Variants in TEX15 observed in about 807,000 individuals in gnomAD.
TEX15 encodes testis-expressed protein 15.
TEX15 carries 171 observed loss-of-function variants against 237.3 expected under a neutral mutation model. The ratio of observed to expected loss-of-function variants is 0.72; its 90% CI spans 0.64 to 0.82. The LOEUF is 0.82. Ranked by LOEUF, TEX15 falls within the 40% of genes least tolerant of loss-of-function variation. The pLI is 0.00. For synonymous variants in TEX15, 1,338 were observed against 1,269.8 expected (o/e 1.05, Z -1.14); for missense variants, 3,750 against 3,646.5 (o/e 1.03, Z -0.73).
At chr8:30,834,174 CCT>C (rs1409970167) in intron 10 of TEX15, among the ~76,000 whole-genome samples, 1 of 151,976 alleles carries the variant, frequency 6.6e-6, no homozygotes, top group Non-Finnish European at 1.5e-5. Context: ...TTCTTTTTCC[CCT>C]TTTATTATTT....
intron 3 of TEX15, among the ~76,000 whole-genome samples, chr8:30,880,820 C>A (rs1563266404): frequency 6.6e-6 from 1 of 152,026 alleles, no homozygotes; most frequent in Non-Finnish European, 1.5e-5. Flanking sequence ...GGGATCAGTG[C>A]CCCTAACCCC....
At chr8:30,866,326 GGGAGAAA>G (rs1808163121) in intron 5 of TEX15, among the ~76,000 whole-genome samples, 2 of 149,724 alleles carry the variant, frequency 1.3e-5, no homozygotes, top group African/African-American at 2.5e-5. Context: ...AGGACAAAAA[GGGAGAAA>G]GGGGAAAGGG....
chr8:30,850,394 C>T (rs1037802706), intron 7 of TEX15, among the ~76,000 whole-genome samples: 4 of 152,036 alleles, frequency 2.6e-5, no homozygotes, highest in Admixed American at 2.6e-4. Flanking sequence ...CTAAGTAACA[C>T]CCTAAAAATA....
intron 3 of TEX15, among the ~76,000 whole-genome samples, chr8:30,880,521 A>G (rs979650940): frequency 6.6e-6 from 1 of 152,144 alleles, no homozygotes; most frequent in Non-Finnish European, 1.5e-5. Flanking sequence ...AGCCTACTCA[A>G]TGTGAAGATG....
At chr8:30,859,750 A>G (rs76656080) in intron 6 of TEX15, among the ~76,000 whole-genome samples, 161 bp downstream of exon 6, 2 of 152,336 alleles carry the variant, frequency 1.3e-5, no homozygotes, top group East Asian at 3.9e-4. Flanking sequence ...TTCTTCACTA[A>G]TATTCCATAC....
rs1322834863 is a variant in TEX15, at chr8:30,849,832, G to A, written c.851-516C>T. 3.9e-5 allele frequency among the ~76,000 whole-genome samples: 6 copies of A among 152,084 alleles called. No homozygotes were observed. In the East Asian group the frequency reaches 7.7e-4, roughly 20 times the overall value. On this transcript the variant is annotated intron_variant, in intron 7 of 10. Coordinates refer to ENST00000643185, the MANE Select transcript of TEX15 (RefSeq NM_001350162.2). ...GAGAATTGCTTGAACCTGGGAGGTGGAGGTTGCAGCGAGCCGAGATTGCGC... is the reference window on the plus strand; with the variant it reads ...GAGAATTGCTTGAACCTGGGAGGTGAAGGTTGCAGCGAGCCGAGATTGCGC...
chr8:30,883,186 C>A (rs1287785108), intron 3 of TEX15, among the ~76,000 whole-genome samples: 1 of 152,006 alleles, frequency 6.6e-6, no homozygotes, highest in Non-Finnish European at 1.5e-5. Flanking sequence ...TCATAGCTCA[C>A]TGCAGCCTTG....
chr8:30,863,401 G>A (rs1252216973), intron 5 of TEX15, among the ~76,000 whole-genome samples: 1 of 152,124 alleles, frequency 6.6e-6, no homozygotes, highest in Non-Finnish European at 1.5e-5. Flanking sequence ...CAGCTGTACA[G>A]TGTTCCTGGA....
At chr8:30,839,353 G>A (rs374495853) in intron 9 of TEX15, among the ~76,000 whole-genome samples, 2 of 151,996 alleles carry the variant, frequency 1.3e-5, no homozygotes, top group Admixed American at 6.6e-5. Context: ...TCAAAGTATC[G>A]TATGGGAATT....
rs1260285053 is a variant in TEX15, at chr8:30,887,237, C to A, written c.66G>T (p.Val22=). The change falls in exon 3 of 11, where the codon GTG becomes GTT. Residue 22 remains valine, a synonymous_variant. Coordinates refer to ENST00000643185, the MANE Select transcript of TEX15 (RefSeq NM_001350162.2). ...AAGGATTGACTTCACGAGTATTCAA[C>A]ACGGGTTTGCTAGTTGAGCTCATTT... ...LWQMSSTSKP[V]LNTREVNPLK... 1 of 1,535,964 alleles carries A rather than the reference C, an allele frequency of 6.5e-7. No homozygotes were observed. The highest frequency in any genetic ancestry group is 2.0e-5 in the Admixed American group (1 of 50,986).
intron 1 of TEX15, among the ~76,000 whole-genome samples, chr8:30,901,581 C>T (rs1292244079): frequency 6.6e-6 from 1 of 152,002 alleles, no homozygotes; most frequent in Admixed American, 6.6e-5. Flanking sequence ...TATGGGAGTA[C>T]AGAAAACAGA....
chr8:30,844,185 C>G lies in TEX15; in HGVS notation c.5982G>C (p.Thr1994=). 1 of 1,612,386 alleles carries G rather than the reference C, an allele frequency of 6.2e-7. No individual in the cohort carries two copies. Among genetic ancestry groups the G allele is most frequent in the Non-Finnish European group, 8.5e-7 (1 of 1,179,298 alleles). Residue 1994 remains threonine (T), a synonymous_variant, in exon 8 of 11, where the codon ACG becomes ACC. Transcript: ENST00000643185. ...TTTGAGATAGATTAGCTATAAGGGCCGTATGATTAGCTGAGCAATGTTTTT... is the reference window on the plus strand; with the variant it reads ...TTTGAGATAGATTAGCTATAAGGGCGGTATGATTAGCTGAGCAATGTTTTT... The part of the protein sequence containing the change: ...FKEKHCSANH[T]ALIANLSQIL...
In TEX15 at chr8:30,832,655, C is replaced by A. The variant is rs988551820; in HGVS notation, c.*631G>T. ...AAAATAACTATTTAAATTGTGAAATCCAAAAACAAAATAATCTTCTGGAAA... is the reference window on the plus strand; with the variant it reads ...AAAATAACTATTTAAATTGTGAAATACAAAAACAAAATAATCTTCTGGAAA... On this transcript the variant is annotated 3_prime_UTR_variant, in exon 11 of 11. Transcript: ENST00000643185. The A allele has an allele frequency of 6.6e-6, 1 of 152,144 alleles. No homozygotes were observed. Among genetic ancestry groups the A allele is most frequent in the African/African-American group, 2.4e-5 (1 of 41,524 alleles). 9.4% of individuals were successfully genotyped at this position (152,144 alleles called of 1,614,324 possible). A position where few individuals can be genotyped will look rare whatever the true frequency, so the allele number is the denominator to read the frequency against.
Position 30,837,576 on chromosome 8 carries a change from T to A in TEX15, c.8708A>T (p.Lys2903Ile). 6.2e-7 allele frequency: 1 copy of A among 1,614,068 alleles called. No homozygotes were observed. Among genetic ancestry groups the A allele is most frequent in the Non-Finnish European group, 8.5e-7 (1 of 1,179,988 alleles). ...CATTTCTAGATCAGGATGGACATCT[T>A]TCACAAAACAGAAAATTGGCTTTGA... ...VLSKPIFCFV[K>I]DVHPDLEMND... The change falls in exon 10 of 11, where the codon AAA becomes ATA. Residue 2903 changes from lysine (K) to isoleucine (I), a missense_variant. Transcript: ENST00000643185.
chr8:30,890,363 T>C (rs951003177), intron 2 of TEX15, among the ~76,000 whole-genome samples: 1 of 152,156 alleles, frequency 6.6e-6, no homozygotes, highest in Non-Finnish European at 1.5e-5. Context: ...AATCCTGTTA[T>C]TATTAGGAGG....
chr8:30,910,709 C>A (rs913410099), intron 1 of TEX15, among the ~76,000 whole-genome samples: 4 of 150,522 alleles, frequency 2.7e-5, no homozygotes, highest in African/African-American at 9.8e-5. Context: ...CTTGGCCTCC[C>A]AAAGTCCTAG....
In TEX15 at chr8:30,859,979, C is replaced by G; in HGVS notation, c.619G>C (p.Asp207His). 1 of 1,516,264 alleles carries G rather than the reference C, an allele frequency of 6.6e-7. No homozygotes were observed. The highest frequency in any genetic ancestry group is 1.3e-5 in the South Asian group (1 of 79,316). 93.9% of individuals were successfully genotyped at this position (1,516,264 alleles called of 1,614,324 possible). Residue 207 changes from aspartate (D) to histidine (H), a missense_variant, in exon 6 of 11, where the codon GAT (aspartate) becomes CAT (histidine). By Grantham distance (81) the Asp-to-His change is moderately conservative. Coordinates refer to ENST00000643185, the MANE Select transcript of TEX15 (RefSeq NM_001350162.2). Reference sequence around the variant, plus strand: ...GGTGCATTTCTTGACATATGGCAATCAAAGTTAGGAGAAGGATCCAAAGAA... The same window carrying G: ...GGTGCATTTCTTGACATATGGCAATGAAAGTTAGGAGAAGGATCCAAAGAA... ...KVSLDPSPNFDCHMSRNAPSL... is the reference protein window; with the variant it reads ...KVSLDPSPNFHCHMSRNAPSL...
Position 30,863,360 on chromosome 8 carries a change from G to A in TEX15, c.541-3303C>T, listed in dbSNP as rs188323198. 1.6e-4 allele frequency among the ~76,000 whole-genome samples: 25 copies of A among 152,256 alleles called. 1 individual carries two copies. Among genetic ancestry groups the A allele is most frequent in the African/African-American group, 5.8e-4 (24 of 41,552 alleles). Reference sequence around the variant, plus strand: ...TCAGTCAATTTCAGTTCTTAGCACAGTGGCAGCCACCCTTTGTGCCCCATG... The same window carrying A: ...TCAGTCAATTTCAGTTCTTAGCACAATGGCAGCCACCCTTTGTGCCCCATG... On this transcript the variant is annotated intron_variant, in intron 5 of 10. Transcript: ENST00000643185.
rs893636051 is a variant in TEX15 at position 30,842,528 on chromosome 8, CT to C, written c.7638del (p.Glu2547AsnfsTer5). On this transcript the variant is annotated frameshift_variant, in exon 8 of 11. Coordinates refer to ENST00000643185, the MANE Select transcript of TEX15 (RefSeq NM_001350162.2). LOFTEE classifies it high-confidence loss of function. ...AGAAGCTTTTTTATTTCTGAAAGTT[CT>C]TGAAGTTCTCTTGAGAGCAAATGAA... ...YAIHLLSREL[Q>X]ELSEIKKLLK... 6.2e-7 allele frequency: 1 copy of C among 1,611,082 alleles called. No individual in the cohort carries two copies. Among genetic ancestry groups the C allele is most frequent in the African/African-American group, 1.3e-5 (1 of 74,796 alleles).
Sources: allele counts gnomAD v4.1 joint callset (sites outside exome capture counted in the v4.1 genomes callset), GRCh38; gene constraint gnomAD v4.1.1; transcripts MANE v1.5; gene names NCBI Gene and HGNC (gene_info 2026-07-23, HGNC 2026-07-21).